The following SLC39A11 variants were observed in gnomAD, a reference collection of about 807,000 sequenced individuals.
SLC39A11 encodes solute carrier family 39 member 11.
A neutral mutation model predicts 36.1 loss-of-function variants in SLC39A11; 33 were observed. The ratio of observed to expected loss-of-function variants is 0.91; its 90% CI spans 0.69 to 1.22. The LOEUF (loss-of-function observed/expected upper bound fraction) is 1.22, where lower values mean the gene tolerates loss of function less well. Ranked by LOEUF, SLC39A11 falls within the 50% of genes most tolerant of loss-of-function variation. The probability of loss-of-function intolerance (pLI) is 0.00; values close to 1 mark genes in which losing one functional copy is unlikely to be tolerated. For synonymous variants in SLC39A11, 166 were observed against 170.3 expected (o/e 0.97, Z 0.20); for missense variants, 432 against 430.3 (o/e 1.00, Z -0.03).
chr17:72,822,666 G>A (rs895117915), intron 6 of SLC39A11, among the ~76,000 whole-genome samples: 1 of 151,118 alleles, frequency 6.6e-6, no homozygotes, highest in African/African-American at 2.4e-5. Context: ...AGGGAAAGAG[G>A]ACAGGAGACA....
chr17:72,839,980 G>T (rs551547907), intron 6 of SLC39A11, among the ~76,000 whole-genome samples: 1 of 152,226 alleles, frequency 6.6e-6, no homozygotes, highest in South Asian at 2.1e-4. Flanking sequence ...TTATCTGATC[G>T]CAAGTCATAA....
At chr17:72,900,226 A>AAAGAAAGAAAGG (rs1567913378) in intron 5 of SLC39A11, among the ~76,000 whole-genome samples, 4 of 151,128 alleles carry the variant, frequency 2.6e-5, no homozygotes, top group South Asian at 2.1e-4. Flanking sequence ...AGAAAGAAAG[A>AAAGAAAGAAAGG]AAGAAAAAGA....
chr17:73,091,871 TTTTC>T (rs1219509895), intron 1 of SLC39A11: 1 of 152,178 alleles, frequency 6.6e-6, no homozygotes, highest in African/African-American at 2.4e-5. Flanking sequence ...TACAGGTTTG[TTTTC>T]TTTATTTCCT....
intron 5 of SLC39A11, among the ~76,000 whole-genome samples, chr17:72,941,476 G>A (rs2466514): frequency 0.95 from 145,223 of 152,178 alleles, 69,640 homozygotes; most frequent in East Asian, 1. Context: ...AAACACATGT[G>A]AGTGCCAAAT....
chr17:72,870,450 T>C (rs1466423116), intron 5 of SLC39A11, among the ~76,000 whole-genome samples: 2 of 152,286 alleles, frequency 1.3e-5, no homozygotes, highest in South Asian at 2.1e-4. Context: ...CTGGCTTCAC[T>C]GCTGAAAACG....
intron 3 of SLC39A11, among the ~76,000 whole-genome samples, chr17:73,079,721 G>A (rs570782853): frequency 2.6e-4 from 40 of 152,238 alleles, no homozygotes; most frequent in Admixed American, 2.4e-3. Flanking sequence ...GTTTGCCGAC[G>A]ATATGATCGT....
intron 6 of SLC39A11, among the ~76,000 whole-genome samples, chr17:72,795,838 A>T (rs751489208): frequency 3.9e-5 from 6 of 152,156 alleles, no homozygotes; most frequent in Non-Finnish European, 8.8e-5. Context: ...GGCTTCAGGA[A>T]GACAAGGACT....
intron 6 of SLC39A11, among the ~76,000 whole-genome samples, chr17:72,844,607 T>G (rs375229908): frequency 1.3e-5 from 2 of 152,278 alleles, no homozygotes; most frequent in African/African-American, 4.8e-5. Context: ...AGGTGGAGGT[T>G]GCAGTGAGCC....
chr17:72,736,771 G>T, intron 6 of SLC39A11, 52 bp from the exon 7 acceptor site: 1 of 1,395,824 alleles, frequency 7.2e-7, no homozygotes, highest in South Asian at 1.2e-5. Flanking sequence ...TCCCCATAAG[G>T]AACATCACCA....
chr17:72,792,270 A>G (rs1042562017), intron 6 of SLC39A11, among the ~76,000 whole-genome samples: 1 of 152,196 alleles, frequency 6.6e-6, no homozygotes, highest in Non-Finnish European at 1.5e-5. Flanking sequence ...TTCTGTAGTG[A>G]CAAGAGGGTG....
intron 1 of SLC39A11, among the ~76,000 whole-genome samples, chr17:73,091,455 AAAAT>A (rs761632978): frequency 1.3e-5 from 2 of 152,136 alleles, no homozygotes; most frequent in African/African-American, 2.4e-5. Context: ...AAAAAAAATA[AAAAT>A]AAATAAATAA....
intron 7 of SLC39A11, among the ~76,000 whole-genome samples, chr17:72,729,435 A>T (rs866945448): frequency 1.5e-3 from 3 of 2,050 alleles, no homozygotes; most frequent in African/African-American, 2.0e-3. Flanking sequence ...ATATATATAT[A>T]TATATATATA....
At chr17:72,838,231 C>CTT (rs574382302) in intron 6 of SLC39A11, 1,355 of 292,342 alleles carry the variant, frequency 4.6e-3, no homozygotes, top group Middle Eastern at 8.2e-3. Flanking sequence ...CTTTCCTTTT[C>CTT]TTTTTTTTTT....
chr17:72,952,677 G>A (rs2085952646), intron 4 of SLC39A11, among the ~76,000 whole-genome samples: 2 of 152,144 alleles, frequency 1.3e-5, no homozygotes, highest in African/African-American at 2.4e-5. Context: ...GTTTGGTTTG[G>A]TTTGATTTGG....
In SLC39A11 at chr17:72,949,320, C is replaced by T. The variant is rs150191723; in HGVS notation, c.307-1445G>A. Among the ~76,000 whole-genome samples, 26 of 151,764 alleles carry T rather than the reference C, an allele frequency of 1.7e-4. No individual in the cohort carries two copies. In the East Asian group the frequency reaches 4.5e-3, roughly 26 times the overall value. ...GGATCACAGGCACTCACCACCACGC[C>T]GGGCTAATCTTTGTGTTTTTAGTGG... On this transcript the variant is annotated intron_variant, in intron 4 of 9. Transcript: ENST00000255559.
At chr17:72,746,793 T>C (rs2074956323) in intron 6 of SLC39A11, among the ~76,000 whole-genome samples, 1 of 151,662 alleles carries the variant, frequency 6.6e-6, no homozygotes, top group African/African-American at 2.4e-5. Context: ...GCACCTGTAG[T>C]CCCAGCTACT....
chr17:73,015,413 A>G (rs2090752079), intron 4 of SLC39A11, among the ~76,000 whole-genome samples: 1 of 152,168 alleles, frequency 6.6e-6, no homozygotes, highest in Non-Finnish European at 1.5e-5. Context: ...CAAAAATCCC[A>G]AACTTCTCTC....
chr17:72,822,951 G>A (rs538880295), intron 6 of SLC39A11, among the ~76,000 whole-genome samples: 9 of 148,872 alleles, frequency 6.0e-5, no homozygotes, highest in Admixed American at 1.3e-4. Flanking sequence ...GCCCTGGCTG[G>A]TCTCAAACTC....
intron 5 of SLC39A11, among the ~76,000 whole-genome samples, chr17:72,910,715 C>A (rs2082938330): frequency 6.7e-6 from 1 of 150,314 alleles, no homozygotes; most frequent in Non-Finnish European, 1.5e-5. Context: ...TCACTTCAGG[C>A]CAGGAGTTCA....
Sources: allele counts gnomAD v4.1 joint callset (sites outside exome capture counted in the v4.1 genomes callset), GRCh38; gene constraint gnomAD v4.1.1; transcripts MANE v1.5; gene names NCBI Gene and HGNC (gene_info 2026-07-23, HGNC 2026-07-21).